The following ASIC2 variants were observed in gnomAD, a reference collection of about 807,000 sequenced individuals.
ASIC2 encodes the protein acid-sensing ion channel 2.
A neutral mutation model predicts 57.3 loss-of-function variants in ASIC2; 25 were observed. The ratio of observed to expected loss-of-function variants is 0.44; its 90% CI spans 0.32 to 0.61. The LOEUF (loss-of-function observed/expected upper bound fraction) is 0.61. Ranked by LOEUF, ASIC2 falls within the 20% of genes least tolerant of loss-of-function variation. The pLI, the probability that ASIC2 is intolerant of heterozygous loss-of-function variation, is 0.06. For missense variants in ASIC2, 641 were observed against 738.1 expected (o/e 0.87, Z 1.52); for synonymous variants, 319 against 307.5 (o/e 1.04, Z -0.39).
intron 1 of ASIC2, among the ~76,000 whole-genome samples, chr17:33,635,856 G>A (rs1423911865): frequency 6.6e-6 from 1 of 152,144 alleles, no homozygotes; most frequent in African/African-American, 2.4e-5. Context: ...AGTCACATAA[G>A]GGTATGCTAA....
intron 1 of ASIC2, among the ~76,000 whole-genome samples, chr17:33,991,598 G>T (rs1285667566): frequency 6.6e-6 from 1 of 152,158 alleles, no homozygotes; most frequent in East Asian, 1.9e-4. Context: ...GCCTCCAGGG[G>T]ACCATCAACC....
chr17:33,798,006 T>C (rs998373044), intron 1 of ASIC2, among the ~76,000 whole-genome samples: 2 of 151,998 alleles, frequency 1.3e-5, no homozygotes, highest in Admixed American at 6.6e-5. Context: ...GGAGAGGTGA[T>C]GGCAGAGGTG....
At chr17:33,438,282 C>CAGT (rs1911699457) in intron 1 of ASIC2, among the ~76,000 whole-genome samples, 1 of 152,140 alleles carries the variant, frequency 6.6e-6, no homozygotes, top group African/African-American at 2.4e-5. Context: ...GTTTACAGAA[C>CAGT]AGTAATTGCT....
intron 1 of ASIC2, among the ~76,000 whole-genome samples, chr17:33,607,754 C>G (rs904476439): frequency 6.6e-6 from 1 of 152,138 alleles, no homozygotes; most frequent in African/African-American, 2.4e-5. Flanking sequence ...TTGGACCACT[C>G]ACTACAGAAA....
chr17:33,657,757 TAAA>T (rs34103812), intron 1 of ASIC2, among the ~76,000 whole-genome samples: 3 of 103,480 alleles, frequency 2.9e-5, no homozygotes, highest in South Asian at 7.1e-4. Flanking sequence ...TGGCAGTTTC[TAAA>T]AAAAAAAAAA....
intron 1 of ASIC2, among the ~76,000 whole-genome samples, chr17:34,011,452 A>G (rs1906755928): frequency 6.6e-6 from 1 of 151,958 alleles, no homozygotes; most frequent in Non-Finnish European, 1.5e-5. Context: ...TCCACCTCCC[A>G]TTCATAGCCC....
At chr17:33,067,662 T>G (rs2092049412) in intron 3 of ASIC2, among the ~76,000 whole-genome samples, 1 of 152,100 alleles carries the variant, frequency 6.6e-6, no homozygotes, top group African/African-American at 2.4e-5. Flanking sequence ...TGGAGCAGGT[T>G]TAGGGATGCC....
At chr17:33,878,683 GCAGGATATTATC>G (rs1308619509) in intron 1 of ASIC2, among the ~76,000 whole-genome samples, 2 of 152,234 alleles carry the variant, frequency 1.3e-5, no homozygotes, top group Non-Finnish European at 2.9e-5. Context: ...AAAACACTCT[GCAGGATATTATC>G]CAGGAGCACT....
At chr17:33,746,459 T>C (rs567063685) in intron 1 of ASIC2, among the ~76,000 whole-genome samples, 78 of 150,552 alleles carry the variant, frequency 5.2e-4, no homozygotes, top group African/African-American at 1.8e-3. Flanking sequence ...TATATGTGTG[T>C]ATATGTGTAT....
chr17:33,094,643 G>T (rs1429199754), intron 2 of ASIC2, among the ~76,000 whole-genome samples: 1 of 152,314 alleles, frequency 6.6e-6, no homozygotes, highest in East Asian at 1.9e-4. Flanking sequence ...CGGACATTGG[G>T]TTTGAGCAAG....
chr17:33,284,918 C>T (rs547867847), intron 1 of ASIC2, among the ~76,000 whole-genome samples: 3 of 152,330 alleles, frequency 2.0e-5, no homozygotes, highest in African/African-American at 7.2e-5. Flanking sequence ...CGATGAGGCA[C>T]ATTGACTGTT....
At chr17:34,136,107 C>T (rs7223641) in intron 1 of ASIC2, among the ~76,000 whole-genome samples, 2,077 of 152,146 alleles carry the variant, frequency 0.014, 46 homozygotes, top group African/African-American at 0.048. Context: ...GCACAGCTGA[C>T]CAGCATTAAC....
chr17:33,238,810 C>A (rs953112697), intron 1 of ASIC2, among the ~76,000 whole-genome samples: 2 of 152,148 alleles, frequency 1.3e-5, no homozygotes, highest in African/African-American at 4.8e-5. Context: ...TTGAGACTAG[C>A]CTGGCCAACA....
At chr17:33,385,977 A>T (rs1304444760) in intron 1 of ASIC2, among the ~76,000 whole-genome samples, 1 of 152,176 alleles carries the variant, frequency 6.6e-6, no homozygotes, top group Non-Finnish European at 1.5e-5. Flanking sequence ...CCTCGCAGAG[A>T]TAATGACACC....
chr17:33,449,815 T>A lies in ASIC2; in HGVS notation c.556-337748A>T, dbSNP rs111491634. 3.6e-3 allele frequency among the ~76,000 whole-genome samples: 546 copies of A among 152,078 alleles called. 1 individual carries two copies. Among genetic ancestry groups the A allele is most frequent in the African/African-American group, 0.013 (528 of 41,494 alleles). On this transcript the variant is annotated intron_variant, in intron 1 of 9. Transcript: ENST00000359872. The stretch of plus-strand genomic sequence containing the variant: ...ATTGAGACAGAGTCTCACTCTGTCA[T>A]CCGGGCTGAAGTGCAGTGGCACAAT...
intron 1 of ASIC2, among the ~76,000 whole-genome samples, chr17:33,153,626 T>C (rs1029612756): frequency 2.6e-5 from 4 of 152,210 alleles, no homozygotes; most frequent in African/African-American, 9.6e-5. Context: ...ATTTAAGTGA[T>C]ATATGTTTCC....
chr17:33,178,571 T>C (rs953894508), intron 1 of ASIC2, among the ~76,000 whole-genome samples: 1 of 152,178 alleles, frequency 6.6e-6, no homozygotes, highest in African/African-American at 2.4e-5. Flanking sequence ...GATGGTGGCA[T>C]TTGAACTGAG....
In ASIC2 at chr17:34,071,876, GAGAA is replaced by G. The variant is rs1437210783; in HGVS notation, c.555+84098_555+84101del. 5 of 152,184 alleles carry G rather than the reference GAGAA, an allele frequency of 3.3e-5. No homozygotes were observed. In the South Asian group the frequency reaches 6.2e-4, roughly 19 times the overall value. 9.4% of individuals were successfully genotyped at this position (152,184 alleles called of 1,614,324 possible). A position where few individuals can be genotyped will look rare whatever the true frequency, so the allele number is the denominator to read the frequency against. On this transcript the variant is annotated intron_variant, in intron 1 of 9. Coordinates refer to the ASIC2 transcript ENST00000359872. ...TAGTCTCAAAGACATTTTCTAGGGA[GAGAA>G]AGAAAGATTCTGGCTAAGAAAAAAA...
chr17:33,346,814 A>T (rs1285535615), intron 1 of ASIC2, among the ~76,000 whole-genome samples: 1 of 152,224 alleles, frequency 6.6e-6, no homozygotes. Flanking sequence ...TCAGCAAAGA[A>T]GGAAGAACTT....
Sources: allele counts gnomAD v4.1 joint callset (sites outside exome capture counted in the v4.1 genomes callset), GRCh38; gene constraint gnomAD v4.1.1; transcripts MANE v1.5; gene names NCBI Gene and HGNC (gene_info 2026-07-23, HGNC 2026-07-21).